SOX5: variants seen among roughly 807,000 people sequenced by gnomAD.
SOX5 encodes SRY-box transcription factor 5, also known as transcription factor SOX-5.
In SOX5, 9 loss-of-function variants were observed where a neutral mutation model predicts 92.0. That is an observed-to-expected ratio of 0.10 (90% CI 0.06 to 0.17). The LOEUF (loss-of-function observed/expected upper bound fraction) is 0.17, where lower values mean the gene tolerates loss of function less well. SOX5 is among the 10% of genes least tolerant of loss of function. SOX5 has a pLI of 1.00. For synonymous variants in SOX5, 344 were observed against 336.3 expected, an observed-to-expected ratio of 1.02 and a Z score of -0.25; for missense variants, 642 against 944.5, an observed-to-expected ratio of 0.68 and a Z score of 4.20.
At chr12:23,893,711 G>T (rs1428955644) in intron 2 of SOX5, among the ~76,000 whole-genome samples, 2 of 152,144 alleles carry the variant, frequency 1.3e-5, no homozygotes, top group Non-Finnish European at 2.9e-5. Context: ...AGTGATGAAA[G>T]TATTAAAAGT....
At chr12:23,972,800 A>T (rs1948492145) in intron 4 of SOX5, among the ~76,000 whole-genome samples, 1 of 152,164 alleles carries the variant, frequency 6.6e-6, no homozygotes, top group Non-Finnish European at 1.5e-5. Flanking sequence ...TCAACCCATC[A>T]ATGTATCATT....
At chr12:23,870,800 T>C (rs2136762698) in intron 2 of SOX5, among the ~76,000 whole-genome samples, 1 of 152,312 alleles carries the variant, frequency 6.6e-6, no homozygotes, top group South Asian at 2.1e-4. Context: ...CTAAAACTTC[T>C]GGTTGTACTG....
intron 1 of SOX5, among the ~76,000 whole-genome samples, chr12:24,485,302 C>A (rs1218717067): frequency 6.6e-6 from 1 of 152,176 alleles, no homozygotes; most frequent in Non-Finnish European, 1.5e-5. Flanking sequence ...ATTTTTCTAG[C>A]CTTGATAATC....
intron 1 of SOX5, among the ~76,000 whole-genome samples, chr12:24,379,319 A>C (rs528366687): frequency 1.1e-4 from 17 of 152,336 alleles, no homozygotes; most frequent in African/African-American, 3.8e-4. Context: ...GAGATGAACA[A>C]AATAATTCTA....
intron 2 of SOX5, among the ~76,000 whole-genome samples, chr12:23,851,393 A>C (rs2096632071): frequency 1.3e-5 from 2 of 152,302 alleles, no homozygotes; most frequent in South Asian, 4.1e-4. Flanking sequence ...GTTCCTAAAA[A>C]TGAGATGTAA....
At chr12:24,272,642 T>C (rs1326682829) in intron 3 of SOX5, among the ~76,000 whole-genome samples, 1 of 152,236 alleles carries the variant, frequency 6.6e-6, no homozygotes, top group Non-Finnish European at 1.5e-5. Context: ...TGTTTTAATC[T>C]GTATTAAATT....
intron 3 of SOX5, among the ~76,000 whole-genome samples, chr12:23,784,210 A>C (rs568032750): frequency 2.0e-5 from 3 of 152,340 alleles, no homozygotes; most frequent in African/African-American, 7.2e-5. Context: ...GCTCTGGGCA[A>C]ATCATGAAAT....
intron 1 of SOX5, among the ~76,000 whole-genome samples, chr12:24,463,736 A>T (rs937944992): frequency 1.5e-4 from 23 of 152,208 alleles, no homozygotes; most frequent in African/African-American, 4.8e-4. Context: ...TTTCTTCAAT[A>T]AACTAGTGCT....
chr12:24,272,307 A>T (rs973653385), intron 3 of SOX5, among the ~76,000 whole-genome samples: 1 of 152,120 alleles, frequency 6.6e-6, no homozygotes, highest in African/African-American at 2.4e-5. Context: ...TTATTAACTC[A>T]TATCGTGTGC....
At chr12:23,827,455 A>G (rs2096251129) in intron 3 of SOX5, among the ~76,000 whole-genome samples, 1 of 152,226 alleles carries the variant, frequency 6.6e-6, no homozygotes. Flanking sequence ...AACAACTTCT[A>G]TTGACCAAGA....
At chr12:23,793,393 C>A (rs1482255310) in intron 3 of SOX5, among the ~76,000 whole-genome samples, 1 of 152,066 alleles carries the variant, frequency 6.6e-6, no homozygotes, top group Non-Finnish European at 1.5e-5. Flanking sequence ...GAAAATAACC[C>A]TTGAAAATAG....
intron 3 of SOX5, among the ~76,000 whole-genome samples, chr12:24,249,465 G>A (rs1390122065): frequency 1.3e-5 from 2 of 152,180 alleles, no homozygotes; most frequent in African/African-American, 4.8e-5. Flanking sequence ...ACCTTTCAGG[G>A]CAGGTTTTCG....
At chr12:23,925,985 A>T (rs1394951645) in intron 1 of SOX5, among the ~76,000 whole-genome samples, 2 of 152,126 alleles carry the variant, frequency 1.3e-5, no homozygotes, top group East Asian at 1.9e-4. Flanking sequence ...GCAACTAAGT[A>T]TCAGCCCTGC....
intron 2 of SOX5, among the ~76,000 whole-genome samples, chr12:24,352,729 C>T (rs2141180810): frequency 6.6e-6 from 1 of 152,216 alleles, no homozygotes; most frequent in East Asian, 1.9e-4. Context: ...AAGTATCTCC[C>T]TAACATTTGC....
intron 3 of SOX5, among the ~76,000 whole-genome samples, chr12:24,223,754 CAAACAA>C (rs939542954): frequency 2.8e-4 from 43 of 152,102 alleles, no homozygotes; most frequent in African/African-American, 7.0e-4. Flanking sequence ...GACCCTATCT[CAAACAA>C]AAACAAAAAC....
At chr12:24,039,710 A>G (rs1956348853) in intron 4 of SOX5, among the ~76,000 whole-genome samples, 1 of 152,188 alleles carries the variant, frequency 6.6e-6, no homozygotes, top group Admixed American at 6.5e-5. Flanking sequence ...CAGTATATAC[A>G]TATTCATTTT....
At chr12:24,202,674 G>A (rs1188991328) in intron 4 of SOX5, among the ~76,000 whole-genome samples, 1 of 152,106 alleles carries the variant, frequency 6.6e-6, no homozygotes. Context: ...GGTCCTGCCA[G>A]GTTATTTTGT....
chr12:23,975,581 G>A (rs1196342595), intron 4 of SOX5, among the ~76,000 whole-genome samples: 1 of 152,124 alleles, frequency 6.6e-6, no homozygotes, highest in Non-Finnish European at 1.5e-5. Flanking sequence ...ACAGTGTGAT[G>A]TCATGATTAA....
intron 1 of SOX5, among the ~76,000 whole-genome samples, chr12:24,510,660 C>T (rs1404531133): frequency 6.6e-6 from 1 of 152,196 alleles, no homozygotes; most frequent in Non-Finnish European, 1.5e-5. Context: ...CCTGGAAATT[C>T]TGATAGTGCC....
Sources: allele counts gnomAD v4.1 joint callset (sites outside exome capture counted in the v4.1 genomes callset), GRCh38; gene constraint gnomAD v4.1.1; transcripts MANE v1.5; gene names NCBI Gene and HGNC (gene_info 2026-07-23, HGNC 2026-07-21).